GRB10: variants seen among roughly 807,000 people sequenced by gnomAD.
GRB10 encodes growth factor receptor-bound protein 10.
A neutral mutation model predicts 80.9 loss-of-function variants in GRB10; 20 were observed. The observed-to-expected ratio is 0.25, with a 90% confidence interval of 0.17 to 0.36. GRB10 has a LOEUF of 0.36. GRB10 is among the 10% of genes least tolerant of loss of function. GRB10 has a pLI of 1.00. For missense variants in GRB10, 548 were observed against 747.7 expected, an observed-to-expected ratio of 0.73 and a Z score of 3.12; for synonymous variants, 291 against 291.5, an observed-to-expected ratio of 1.00 and a Z score of 0.02.
chr7:50,733,432 A>G (rs1264128838), intron 3 of GRB10, among the ~76,000 whole-genome samples: 1 of 152,168 alleles, frequency 6.6e-6, no homozygotes, highest in Non-Finnish European at 1.5e-5. Flanking sequence ...ATCACAGCTA[A>G]AAGGAACAGA....
At chr7:50,606,914 C>T (rs2048651736) in intron 13 of GRB10, 1 of 174,928 alleles carries the variant, frequency 5.7e-6, no homozygotes, top group Non-Finnish European at 1.2e-5. Context: ...TTTTTCTTGT[C>T]ATGTCGTGAC....
At chr7:50,685,041 C>A (rs924320460) in intron 5 of GRB10, among the ~76,000 whole-genome samples, 1 of 152,152 alleles carries the variant, frequency 6.6e-6, no homozygotes, top group Non-Finnish European at 1.5e-5. Context: ...CTCAGAAAGT[C>A]CATTTTTTAA....
At chr7:50,595,395 A>T in intron 18 of GRB10, 42 bp downstream of exon 18, 1 of 1,093,578 alleles carries the variant, frequency 9.1e-7, no homozygotes, top group Non-Finnish European at 1.4e-6. Flanking sequence ...ATGAAACCAG[A>T]AAACAAACCA....
At chr7:50,608,573 T>G (rs999201706) in intron 13 of GRB10, among the ~76,000 whole-genome samples, 1 of 152,180 alleles carries the variant, frequency 6.6e-6, no homozygotes, top group African/African-American at 2.4e-5. Flanking sequence ...CAAGAATCCT[T>G]CAAAAGGGAC....
At chr7:50,710,913 G>A (rs1350026328) in intron 4 of GRB10, 6 of 1,612,446 alleles carry the variant, frequency 3.7e-6, no homozygotes, top group Admixed American at 3.3e-5. Context: ...TGCATAGGAG[G>A]TCTCTCTCTC....
rs536295486 is a variant in GRB10, at chr7:50,639,575, A to T, written c.505-12597T>A. 2.6e-3 allele frequency among the ~76,000 whole-genome samples: 399 copies of T among 152,072 alleles called. 3 individuals carry two copies. The highest frequency in any genetic ancestry group is 9.2e-3 in the African/African-American group (382 of 41,488). On this transcript the variant is annotated intron_variant, in intron 7 of 18. Transcript: ENST00000401949. ...GTAGTCCCAGCTACTTGGGAGGCTG[A>T]GGCGGGAGAATGGCGTGAACCGGGG... is the stretch of plus-strand genomic sequence containing the variant.
At chr7:50,726,166 G>C (rs55677734) in intron 4 of GRB10, 15,626 of 152,284 alleles carry the variant, frequency 0.1, 2,639 homozygotes, top group African/African-American at 0.35. Flanking sequence ...GGGAGGCAGA[G>C]ATGGGCAGAC....
intron 2 of GRB10, among the ~76,000 whole-genome samples, chr7:50,761,231 G>A (rs1020160947): frequency 6.6e-6 from 1 of 152,172 alleles, no homozygotes; most frequent in Admixed American, 6.5e-5. Flanking sequence ...CACACGGTTT[G>A]TGATTTTAAT....
At chr7:50,594,240 A>AGC (rs1475027700) in intron 18 of GRB10, among the ~76,000 whole-genome samples, 1 of 152,192 alleles carries the variant, frequency 6.6e-6, no homozygotes, top group Non-Finnish European at 1.5e-5. Context: ...GACAGCCATG[A>AGC]GCCTCATTTT....
chr7:50,669,389 C>T lies in GRB10; in HGVS notation c.504+333G>A, dbSNP rs111794456. ...GAGTGGGAGCAAGGGGAGGAGATGA[C>T]ACGCACTTTTAAACAACCAGATCTC... On this transcript the variant is annotated intron_variant, in intron 7 of 18. Transcript: ENST00000401949. 1.7e-3 allele frequency among the ~76,000 whole-genome samples: 264 copies of T among 152,234 alleles called. 1 individual carries two copies. The highest frequency in any genetic ancestry group is 6.2e-3 in the African/African-American group (258 of 41,532).
At chr7:50,694,315 CTCTG>C (rs1309827771) in intron 5 of GRB10, among the ~76,000 whole-genome samples, 1 of 152,142 alleles carries the variant, frequency 6.6e-6, no homozygotes, top group Non-Finnish European at 1.5e-5. Context: ...CAGAGCGAGA[CTCTG>C]TCTCAAAAAC....
intron 7 of GRB10, among the ~76,000 whole-genome samples, chr7:50,662,289 T>A (rs963977524): frequency 6.6e-6 from 1 of 152,160 alleles, no homozygotes; most frequent in African/African-American, 2.4e-5. Flanking sequence ...CCGATGGTCA[T>A]GACCCAGGAT....
At chr7:50,664,568 C>G (rs1330793943) in intron 7 of GRB10, among the ~76,000 whole-genome samples, 1 of 152,198 alleles carries the variant, frequency 6.6e-6, no homozygotes, top group Non-Finnish European at 1.5e-5. Flanking sequence ...TGGTGCCCCT[C>G]CCTCCCGACA....
chr7:50,730,778 T>C (rs182464050), intron 4 of GRB10, among the ~76,000 whole-genome samples: 44 of 152,254 alleles, frequency 2.9e-4, no homozygotes, highest in African/African-American at 1.0e-3. Flanking sequence ...AAACTGGAAA[T>C]GCCAGGAAGG....
At chr7:50,749,401 T>C (rs940460333) in intron 3 of GRB10, among the ~76,000 whole-genome samples, 1 of 152,172 alleles carries the variant, frequency 6.6e-6, no homozygotes, top group Non-Finnish European at 1.5e-5. Flanking sequence ...AGTGCTGGGA[T>C]TACAGGCATG....
At chr7:50,774,446 T>C (rs549033611) in intron 2 of GRB10, among the ~76,000 whole-genome samples, 1 of 152,220 alleles carries the variant, frequency 6.6e-6, no homozygotes, top group African/African-American at 2.4e-5. Context: ...AAGATCAAGA[T>C]GCCAGCACTT....
intron 5 of GRB10, among the ~76,000 whole-genome samples, chr7:50,700,839 T>G (rs370988181): frequency 6.6e-6 from 1 of 152,224 alleles, no homozygotes; most frequent in Non-Finnish European, 1.5e-5. Flanking sequence ...ATGAAATAGA[T>G]TGCTTAAAAT....
chr7:50,617,367 T>C lies in GRB10; in HGVS notation c.846+704A>G, dbSNP rs117008902. ...TACATGTAATGTCACCTGGATCTTG[T>C]TGGTGGCCTTAGGAAATGGTTTATT... is the stretch of plus-strand genomic sequence containing the variant. On this transcript the variant is annotated intron_variant, in intron 10 of 18. Transcript: ENST00000401949. Among the ~76,000 whole-genome samples the C allele has an allele frequency of 1.4e-4, 22 of 152,322 alleles. No individual in the cohort carries two copies. The East Asian group carries it at 3.9e-3, about 27-fold the overall frequency.
At chr7:50,737,330 T>C (rs772315292) in intron 3 of GRB10, among the ~76,000 whole-genome samples, 1 of 152,170 alleles carries the variant, frequency 6.6e-6, no homozygotes, top group Non-Finnish European at 1.5e-5. Flanking sequence ...TCATAGCATC[T>C]GGCTGTTTAA....
Sources: gnomAD v4.1 joint callset for allele counts (sites outside exome capture counted in the v4.1 genomes callset) on GRCh38, gnomAD v4.1.1 for gene constraint, MANE v1.5 for transcripts, NCBI Gene and HGNC (gene_info 2026-07-23, HGNC 2026-07-21) for gene names.